The following CSMD3 variants were observed in gnomAD, a reference collection of about 807,000 sequenced individuals.
The protein encoded by CSMD3 is CUB and Sushi multiple domains 3.
CSMD3 carries 177 observed loss-of-function variants against 435.2 expected under a neutral mutation model. That is an observed-to-expected ratio of 0.41 (90% CI 0.36 to 0.46). The LOEUF is 0.46. CSMD3 is among the 20% of genes least tolerant of loss of function. The pLI, the probability that CSMD3 is intolerant of heterozygous loss-of-function variation, is 0.34. For synonymous variants in CSMD3, 1,656 were observed against 1,520.5 expected, an observed-to-expected ratio of 1.09 and a Z score of -2.07; for missense variants, 4,265 against 4,504.6, an observed-to-expected ratio of 0.95 and a Z score of 1.52.
At chr8:112,248,480 A>G (rs958932057) in intron 63 of CSMD3, among the ~76,000 whole-genome samples, 2 of 152,080 alleles carry the variant, frequency 1.3e-5, no homozygotes, top group Non-Finnish European at 1.5e-5. Flanking sequence ...AAAATCAACA[A>G]GATTTATTGG....
intron 1 of CSMD3, among the ~76,000 whole-genome samples, chr8:113,334,297 A>T (rs57544555): frequency 0.66 from 83,108 of 125,696 alleles, 26,232 homozygotes; most frequent in Admixed American, 0.72. Flanking sequence ...TTTTTTTTTC[A>T]TTTCCAGCCT....
intron 9 of CSMD3, among the ~76,000 whole-genome samples, chr8:112,932,614 G>C (rs1040406039): frequency 1.3e-5 from 2 of 151,940 alleles, no homozygotes; most frequent in African/African-American, 4.8e-5. Context: ...CTCCAGCCTG[G>C]GAGACAGAGC....
intron 7 of CSMD3, among the ~76,000 whole-genome samples, chr8:112,962,534 C>CA (rs539677938): frequency 1.7e-3 from 240 of 143,496 alleles, no homozygotes; most frequent in Admixed American, 1.6e-3. Context: ...TATAAATTTA[C>CA]AAAAAAAAAA....
rs1308514737 is a variant in CSMD3, at chr8:113,046,363, A to G, written c.918-27184T>C. Among the ~76,000 whole-genome samples the G allele has an allele frequency of 4.0e-5, 6 of 149,720 alleles. 1 individual carries two copies. The highest frequency in any genetic ancestry group is 9.0e-5 in the Non-Finnish European group (6 of 66,472). Reference sequence around the variant, plus strand: ...AACAAAACAAAAAAAGCCTTATTTGAACAAACAACAATAACAAAACAAAAT... The same window carrying G: ...AACAAAACAAAAAAAGCCTTATTTGGACAAACAACAATAACAAAACAAAAT... On this transcript the variant is annotated intron_variant, in intron 5 of 70. Coordinates refer to ENST00000297405, the MANE Select transcript of CSMD3 (RefSeq NM_198123.2).
At chr8:112,772,729 A>G (rs1250814385) in intron 13 of CSMD3, among the ~76,000 whole-genome samples, 2 of 152,072 alleles carry the variant, frequency 1.3e-5, no homozygotes, top group Non-Finnish European at 2.9e-5. Context: ...TGTATATTCC[A>G]TCTACTGAGA....
intron 13 of CSMD3, among the ~76,000 whole-genome samples, chr8:112,692,288 A>G (rs1323521179): frequency 2.6e-5 from 4 of 152,056 alleles, no homozygotes; most frequent in African/African-American, 4.8e-5. Context: ...TTAGCTCTAA[A>G]TTGATATGGA....
At chr8:112,275,858 C>A (rs893500372) in intron 59 of CSMD3, among the ~76,000 whole-genome samples, 1 of 152,108 alleles carries the variant, frequency 6.6e-6, no homozygotes, top group Non-Finnish European at 1.5e-5. Flanking sequence ...TACAGCCAAA[C>A]CATATTATTC....
chr8:113,088,428 C>G (rs1290942419), intron 5 of CSMD3, among the ~76,000 whole-genome samples: 1 of 146,400 alleles, frequency 6.8e-6, no homozygotes, highest in Non-Finnish European at 1.5e-5. Context: ...TATTGTGGCA[C>G]TATTCACAAT....
At chr8:113,318,289 C>A (rs148990625) in intron 1 of CSMD3, among the ~76,000 whole-genome samples, 28 of 152,180 alleles carry the variant, frequency 1.8e-4, no homozygotes, top group African/African-American at 6.5e-4. Flanking sequence ...TTTTGTTTTT[C>A]ATTTTTGCTT....
intron 28 of CSMD3, among the ~76,000 whole-genome samples, chr8:112,511,934 C>T (rs1203859568): frequency 2.0e-5 from 3 of 152,108 alleles, no homozygotes; most frequent in African/African-American, 7.2e-5. Flanking sequence ...TTTCTTTTCC[C>T]ATCCATAAGA....
At chr8:113,274,218 G>C (rs980673560) in intron 3 of CSMD3, among the ~76,000 whole-genome samples, 11 of 151,766 alleles carry the variant, frequency 7.2e-5, no homozygotes, top group African/African-American at 2.4e-4. Context: ...GCTATTAATG[G>C]ATACTATATG....
Position 112,610,010 on chromosome 8 carries a change from G to GT in CSMD3, c.3716-22776dup, listed in dbSNP as rs549862166. On this transcript the variant is annotated intron_variant, in intron 22 of 70. Coordinates refer to ENST00000297405, the MANE Select transcript of CSMD3 (RefSeq NM_198123.2). ...CAGAGTAGAAAGTTGGTTAACAAAG[G>GT]TGGGGGGTAGGGGAAATGGTGAGAT... is the stretch of plus-strand genomic sequence containing the variant. Among the ~76,000 whole-genome samples, 37 of 152,154 alleles carry GT rather than the reference G, an allele frequency of 2.4e-4. No homozygotes were observed. In the South Asian group the frequency reaches 7.7e-3, roughly 32 times the overall value.
At chr8:112,545,242 G>C (rs1827041699) in intron 27 of CSMD3, among the ~76,000 whole-genome samples, 1 of 152,058 alleles carries the variant, frequency 6.6e-6, no homozygotes, top group African/African-American at 2.4e-5. Context: ...CCAGCACTTG[G>C]GGGTGCTGAG....
chr8:112,662,287 A>G (rs1470086344), intron 17 of CSMD3, among the ~76,000 whole-genome samples: 3 of 152,242 alleles, frequency 2.0e-5, no homozygotes, highest in Non-Finnish European at 4.4e-5. Context: ...ACAAGGCTAC[A>G]GTAACCAAAA....
At chr8:112,844,665 T>C (rs1379719430) in intron 11 of CSMD3, among the ~76,000 whole-genome samples, 2 of 151,946 alleles carry the variant, frequency 1.3e-5, no homozygotes, top group African/African-American at 2.4e-5. Flanking sequence ...ACTATGACTC[T>C]GAGAAATTTC....
At chr8:113,310,922 C>T (rs764935689) in intron 2 of CSMD3, 1 of 151,746 alleles carries the variant, frequency 6.6e-6, no homozygotes, top group Non-Finnish European at 1.5e-5. Context: ...TTAATGCTTA[C>T]ATAAAATGAT....
intron 70 of CSMD3, among the ~76,000 whole-genome samples, chr8:112,225,445 A>G (rs1812477294): frequency 6.6e-6 from 1 of 152,146 alleles, no homozygotes; most frequent in East Asian, 1.9e-4. Flanking sequence ...CAAAAATAGT[A>G]GGTAATGAGA....
chr8:112,687,199 A>G (rs2076031978), intron 14 of CSMD3, among the ~76,000 whole-genome samples: 2 of 151,992 alleles, frequency 1.3e-5, no homozygotes, highest in South Asian at 4.2e-4. Flanking sequence ...CAACACCCGT[A>G]ACAGTATAAA....
chr8:112,363,662 C>T (rs1375775598), intron 38 of CSMD3, among the ~76,000 whole-genome samples: 1 of 151,918 alleles, frequency 6.6e-6, no homozygotes, highest in Non-Finnish European at 1.5e-5. Flanking sequence ...AAAACTATCT[C>T]TACGTCATCA....
Sources: gnomAD v4.1 joint callset for allele counts (sites outside exome capture counted in the v4.1 genomes callset) on GRCh38, gnomAD v4.1.1 for gene constraint, MANE v1.5 for transcripts, NCBI Gene and HGNC (gene_info 2026-07-23, HGNC 2026-07-21) for gene names.